The following HMCN2 variants were observed in gnomAD, a reference collection of about 807,000 sequenced individuals.
HMCN2 encodes the protein hemicentin-2.
HMCN2 carries 325 observed loss-of-function variants against 377.5 expected under a neutral mutation model. The ratio of observed to expected loss-of-function variants is 0.86; its 90% CI spans 0.79 to 0.94. The LOEUF (loss-of-function observed/expected upper bound fraction) is 0.94. Ranked by LOEUF, HMCN2 falls within the 40% of genes least tolerant of loss-of-function variation. The pLI is 0.00. For missense variants in HMCN2, 4,543 were observed against 4,725.3 expected, an observed-to-expected ratio of 0.96 and a Z score of 1.13; for synonymous variants, 2,007 against 2,046.8, an observed-to-expected ratio of 0.98 and a Z score of 0.53.
intron 14 of HMCN2, among the ~76,000 whole-genome samples, chr9:130,309,516 A>G (rs1338882689): frequency 6.1e-5 from 4 of 65,522 alleles, no homozygotes; most frequent in African/African-American, 1.7e-4. Context: ...CTCTGTCTCA[A>G]AAAAAAAAAA....
At position 130,370,945 on chromosome 9, in the gene HMCN2, G is replaced by C. The variant is rs1840988313; in HGVS notation, c.7070-19G>C. 1 of 986,088 alleles carries C rather than the reference G, an allele frequency of 1.0e-6. No homozygotes were observed. The highest frequency in any genetic ancestry group is 1.2e-6 in the Non-Finnish European group (1 of 830,102). The allele number at this position is 986,088 out of a possible 1,614,324, so 61.1% of individuals were successfully genotyped here. ...AGCCCATATCTGCACCCTGAATGTG[G>C]CTTCTTCTTTGTGTCCAGTGCCCCC... On this transcript the variant is annotated intron_variant, in intron 45 of 97. Coordinates refer to ENST00000683500, the MANE Select transcript of HMCN2 (RefSeq NM_001291815.2).
chr9:130,399,580 G>A lies in HMCN2; in HGVS notation c.11553G>A (p.Val3851=), dbSNP rs1263393468. 7.8e-7 allele frequency: 1 copy of A among 1,289,694 alleles called. No individual in the cohort carries two copies. The highest frequency in any genetic ancestry group is 1.5e-5 in the African/African-American group (1 of 66,000). The allele number at this position is 1,289,694 out of a possible 1,614,324, so 79.9% of individuals were successfully genotyped here. The change falls in exon 76 of 98, where the codon GTG becomes GTA. Residue 3851 remains valine (V), a synonymous_variant. Transcript: ENST00000683500. ...AGGACTCAGCCCAGTTTGAATGCGT[G>A]GTGAGCAATGAGGTGGGCGAGGCCC... ...GPQDSAQFEC[V]VSNEVGEAHR...
intron 4 of HMCN2, among the ~76,000 whole-genome samples, 153 bp downstream of exon 4, chr9:130,286,463 G>A (rs554390388): frequency 4.6e-4 from 70 of 152,366 alleles, no homozygotes; most frequent in African/African-American, 1.6e-3. Context: ...GTGCACACCT[G>A]TGGCAGGCAC....
intron 24 of HMCN2, among the ~76,000 whole-genome samples, chr9:130,341,964 C>T (rs1315254288): frequency 6.6e-6 from 1 of 151,288 alleles, no homozygotes; most frequent in East Asian, 1.9e-4. Flanking sequence ...TCGCTTGAGC[C>T]CAGGAGTTCG....
In HMCN2 at chr9:130,427,295, A is replaced by G. The variant is rs1844434360; in HGVS notation, c.13880-18A>G. On this transcript the variant is annotated intron_variant, in intron 90 of 97. Coordinates refer to ENST00000683500, the MANE Select transcript of HMCN2 (RefSeq NM_001291815.2). ...GGACACCCTCATGTCCTTAGAGTCT[A>G]TCCTCTTTGCTTTGCAGAGGAGAAC... The G allele has an allele frequency of 3.2e-6, 5 of 1,550,190 alleles. No homozygotes were observed. Among genetic ancestry groups the G allele is most frequent in the East Asian group, 2.4e-5 (1 of 40,908 alleles).
rs1178364915 is a variant in HMCN2 at position 130,391,537 on chromosome 9, C to T, written c.9915C>T (p.Ala3305=). 32 of 987,592 alleles carry T rather than the reference C, an allele frequency of 3.2e-5. No individual in the cohort carries two copies. The highest frequency in any genetic ancestry group is 6.1e-5 in the Admixed American group (1 of 16,282). The allele number at this position is 987,592 out of a possible 1,614,324, so 61.2% of individuals were successfully genotyped here. The change falls in exon 65 of 98, where the codon GCC becomes GCT. Residue 3305 remains alanine, a synonymous_variant. Transcript: ENST00000683500. ...ACACCTGCGTGGCCCACAACCCAGC[C>T]GGGGAGGACGCCAGGCTGCACACGG... ...GAYTCVAHNP[A]GEDARLHTVN...
chr9:130,273,911 A>G (rs1554922081), intron 1 of HMCN2, among the ~76,000 whole-genome samples: 2 of 152,316 alleles, frequency 1.3e-5, no homozygotes, highest in South Asian at 2.1e-4. Flanking sequence ...CTAAAAAAAA[A>G]TAAACTCAAA....
intron 4 of HMCN2, among the ~76,000 whole-genome samples, chr9:130,287,980 A>G (rs111806874): frequency 6.6e-6 from 1 of 152,280 alleles, no homozygotes; most frequent in African/African-American, 2.4e-5. Context: ...GATGGCGTTT[A>G]TGGTTCTCTG....
intron 55 of HMCN2, 101 bp downstream of exon 55, chr9:130,382,398 C>T: frequency 2.4e-6 from 1 of 415,816 alleles, no homozygotes; most frequent in South Asian, 1.0e-4. Context: ...TCTTGCTGTA[C>T]TCAGAGGTTG....
At position 130,419,053 on chromosome 9, in the gene HMCN2, C is replaced by G. The variant is rs1340265672; in HGVS notation, c.13231+12C>G. 6.7e-7 allele frequency: 1 copy of G among 1,486,534 alleles called. No homozygotes were observed. Among genetic ancestry groups the G allele is most frequent in the African/African-American group, 1.4e-5 (1 of 71,360 alleles). The allele number at this position is 1,486,534 out of a possible 1,614,324, so 92.1% of individuals were successfully genotyped here. ...CCTGGTCGTGAGAGGTATGGGGCATCCCTGTCTGGACCTTCGTGGACAGAG... is the reference window on the plus strand; with the variant it reads ...CCTGGTCGTGAGAGGTATGGGGCATGCCTGTCTGGACCTTCGTGGACAGAG... On this transcript the variant is annotated intron_variant, in intron 86 of 97. Transcript: ENST00000683500.
intron 54 of HMCN2, among the ~76,000 whole-genome samples, chr9:130,381,930 G>T (rs1357119697): frequency 6.6e-6 from 1 of 152,168 alleles, no homozygotes; most frequent in Non-Finnish European, 1.5e-5. Flanking sequence ...ACAACAGCGT[G>T]TGCCCCACAG....
chr9:130,360,751 A>ACCAT lies in HMCN2; in HGVS notation c.5950+182_5950+185dup, dbSNP rs199552416. The ACCAT allele has an allele frequency of 0.023, 6,626 of 282,444 alleles. 398 individuals are homozygous for ACCAT. The highest frequency in any genetic ancestry group is 0.13 in the African/African-American group (5,567 of 42,076). 17.5% of individuals were successfully genotyped at this position (282,444 alleles called of 1,614,324 possible). ...ACCCCATCCATCCATCATCCATCCA[A>ACCAT]CCATCCATCCATCCATCCATCCATC... On this transcript the variant is annotated intron_variant, in intron 38 of 97. Transcript: ENST00000683500. The surrounding 1 kb of genome is among the most constrained non-coding windows in gnomAD (Gnocchi z 4.7).
chr9:130,425,894 C>G lies in HMCN2; in HGVS notation c.13849C>G (p.Arg4617Gly). The change falls in exon 90 of 98, where the codon CGC becomes GGC. Residue 4617 changes from arginine (R) to glycine (G), a missense_variant. Coordinates refer to ENST00000683500, the MANE Select transcript of HMCN2 (RefSeq NM_001291815.2). The part of the protein sequence containing the change: ...SAFDPEAEAL[R>G]FQLATALQAE... ...CTTTGATCCAGAGGCCGAGGCCCTGCGCTTCCAGCTCGCTACAGCCCTGCA... is the reference window on the plus strand; with the variant it reads ...CTTTGATCCAGAGGCCGAGGCCCTGGGCTTCCAGCTCGCTACAGCCCTGCA... The G allele has an allele frequency of 6.5e-7, 1 of 1,549,356 alleles. No homozygotes were observed. Among genetic ancestry groups the G allele is most frequent in the Non-Finnish European group, 8.7e-7 (1 of 1,146,826 alleles).
intron 1 of HMCN2, among the ~76,000 whole-genome samples, chr9:130,271,143 C>T (rs1436616243): frequency 2.7e-5 from 4 of 148,918 alleles, no homozygotes; most frequent in Non-Finnish European, 3.0e-5. Context: ...CAAGAGCACA[C>T]GCTATCACGG....
intron 25 of HMCN2, among the ~76,000 whole-genome samples, chr9:130,342,923 A>G (rs1839137020): frequency 6.6e-6 from 1 of 152,118 alleles, no homozygotes; most frequent in South Asian, 2.1e-4. Context: ...GATAGCCACC[A>G]TGGGTCAGCT....
intron 62 of HMCN2, among the ~76,000 whole-genome samples, chr9:130,390,254 C>T (rs1842239207): frequency 6.6e-6 from 1 of 152,170 alleles, no homozygotes; most frequent in South Asian, 2.1e-4. Context: ...CCTCCCCCAC[C>T]CTTCCTGTCC....
intron 15 of HMCN2, among the ~76,000 whole-genome samples, chr9:130,318,404 G>T (rs993275517): frequency 2.0e-5 from 3 of 152,312 alleles, no homozygotes; most frequent in Middle Eastern, 3.4e-3. Flanking sequence ...CCTGAGGATG[G>T]TGCCCAGAGG....
intron 15 of HMCN2, among the ~76,000 whole-genome samples, chr9:130,310,907 A>G (rs1335245097): frequency 6.6e-6 from 1 of 152,202 alleles, no homozygotes; most frequent in Non-Finnish European, 1.5e-5. Context: ...GTGAGGATTC[A>G]GTGAAATCAG....
intron 78 of HMCN2, 108 bp from the exon 79 acceptor site, chr9:130,403,086 A>C (rs1588403983): frequency 8.9e-7 from 1 of 1,126,228 alleles, no homozygotes; most frequent in Non-Finnish European, 1.1e-6. Flanking sequence ...TGTTTCTAGA[A>C]CCCCCGTTCT....
Sources: allele counts gnomAD v4.1 joint callset (sites outside exome capture counted in the v4.1 genomes callset), GRCh38; gene constraint gnomAD v4.1.1; non-coding constraint Gnocchi (gnomAD v3.1); transcripts MANE v1.5; gene names NCBI Gene and HGNC (gene_info 2026-07-23, HGNC 2026-07-21).